The following VTI1A variants were observed in gnomAD, a reference collection of about 807,000 sequenced individuals.
VTI1A encodes vesicle transport through interaction with t-SNAREs homolog 1A.
Under a neutral mutation model 34.9 loss-of-function variants are expected in VTI1A, and 22 were observed. The ratio of observed to expected loss-of-function variants is 0.63; its 90% CI spans 0.45 to 0.90. The LOEUF is 0.90. Among genes scored for constraint, VTI1A ranks in the 40% least tolerant of loss-of-function variants. The probability of loss-of-function intolerance (pLI) is 0.00; values close to 1 mark genes in which losing one functional copy is unlikely to be tolerated. For missense variants in VTI1A, 268 were observed against 275.6 expected (o/e 0.97, Z 0.20); for synonymous variants, 87 against 97.3 (o/e 0.89, Z 0.62).
chr10:112,681,946 C>T (rs952072309), intron 7 of VTI1A, among the ~76,000 whole-genome samples: 4 of 152,076 alleles, frequency 2.6e-5, no homozygotes, highest in African/African-American at 7.2e-5. Context: ...TCTTTATCAT[C>T]GAATGGGCTT....
chr10:112,734,966 C>A (rs1489630709), intron 7 of VTI1A, among the ~76,000 whole-genome samples: 4 of 152,088 alleles, frequency 2.6e-5, no homozygotes, highest in Non-Finnish European at 4.4e-5. Context: ...TTTGAATTTT[C>A]TTCTCCAAAG....
In VTI1A at chr10:112,708,988, T is replaced by G. The variant is rs143702568; in HGVS notation, c.560+39990T>G. Among the ~76,000 whole-genome samples the G allele has an allele frequency of 5.1e-4, 77 of 152,360 alleles. 1 individual carries two copies. In the East Asian group the frequency reaches 0.014, roughly 29 times the overall value. On this transcript the variant is annotated intron_variant, in intron 7 of 7. Transcript: ENST00000393077. ...TGCCACCCCGCGGTTGCTGGTAGTT[T>G]CTGAATCTATGGACTTGCTGGCCCT...
At chr10:112,851,246 A>G in the VTI1A span, among the ~76,000 whole-genome samples, 1 of 152,216 alleles carries the variant, frequency 6.6e-6, no homozygotes, top group Non-Finnish European at 1.5e-5. Flanking sequence ...CCTGGGCCAC[A>G]TGCATTCCTT....
intron 3 of VTI1A, among the ~76,000 whole-genome samples, chr10:112,487,459 C>A (rs1010105490): frequency 6.6e-6 from 1 of 152,184 alleles, no homozygotes; most frequent in Non-Finnish European, 1.5e-5. Context: ...CAAGGTTTAT[C>A]ATTGGCAATT....
chr10:112,486,849 T>C (rs1205463523), intron 3 of VTI1A, among the ~76,000 whole-genome samples: 2 of 152,026 alleles, frequency 1.3e-5, no homozygotes, highest in African/African-American at 4.8e-5. Context: ...GGCCAATCCC[T>C]AGGCCACAGT....
chr10:112,447,266 C>T lies in VTI1A; in HGVS notation c.-108C>T. 3.3e-6 allele frequency: 4 copies of T among 1,225,014 alleles called. No individual in the cohort carries two copies. Among genetic ancestry groups the T allele is most frequent in the Non-Finnish European group, 4.6e-6 (4 of 871,644 alleles). 75.9% of individuals were successfully genotyped at this position (1,225,014 alleles called of 1,614,324 possible). A position where few individuals can be genotyped will look rare whatever the true frequency, so the allele number is the denominator to read the frequency against. ...GAGCTGTCCCCGGTTCTCCGTTCTG[C>T]TCTCGGGGGCACCTTCCGGGGTTCC... is the stretch of plus-strand genomic sequence containing the variant. On this transcript the variant is annotated 5_prime_UTR_variant, in exon 1 of 8. Coordinates refer to ENST00000393077, the MANE Select transcript of VTI1A (RefSeq NM_145206.4).
chr10:112,542,566 G>A (rs947215517), intron 5 of VTI1A, among the ~76,000 whole-genome samples: 2 of 152,184 alleles, frequency 1.3e-5, no homozygotes, highest in Admixed American at 1.3e-4. Flanking sequence ...ACGAAGAAGA[G>A]GTGCTCGAGC....
intron 4 of VTI1A, among the ~76,000 whole-genome samples, chr10:112,534,430 T>C (rs1337058048): frequency 6.6e-6 from 1 of 152,138 alleles, no homozygotes; most frequent in East Asian, 1.9e-4. Flanking sequence ...TAATTGCTTA[T>C]AGTATAGAGT....
intron 7 of VTI1A, among the ~76,000 whole-genome samples, chr10:112,700,525 T>C (rs933931318): frequency 6.6e-6 from 1 of 152,234 alleles, no homozygotes; most frequent in Non-Finnish European, 1.5e-5. Flanking sequence ...AGGCCTCAAA[T>C]GCATAATAAA....
At chr10:112,730,783 C>T (rs1850224743) in intron 7 of VTI1A, among the ~76,000 whole-genome samples, 1 of 151,984 alleles carries the variant, frequency 6.6e-6, no homozygotes, top group Non-Finnish European at 1.5e-5. Context: ...GCAGCACAGC[C>T]TCAGCTTGGA....
intron 7 of VTI1A, among the ~76,000 whole-genome samples, chr10:112,772,293 C>T (rs1472811904): frequency 2.0e-5 from 3 of 152,220 alleles, no homozygotes; most frequent in Admixed American, 6.5e-5. Flanking sequence ...TTGCATTTCA[C>T]GAGTCCTAAT....
chr10:112,498,115 GCTTTCT>G (rs1283922249), intron 3 of VTI1A, among the ~76,000 whole-genome samples: 1 of 152,082 alleles, frequency 6.6e-6, no homozygotes, highest in African/African-American at 2.4e-5. Context: ...ACATATAAAT[GCTTTCT>G]CTCCAAGCAT....
chr10:112,660,859 C>T (rs958436440), intron 5 of VTI1A, among the ~76,000 whole-genome samples: 4 of 152,032 alleles, frequency 2.6e-5, no homozygotes, highest in African/African-American at 9.7e-5. Context: ...CTTCTGTTTA[C>T]CTCCTCTTCA....
chr10:112,674,835 AG>A (rs2133848104), intron 7 of VTI1A, among the ~76,000 whole-genome samples: 1 of 152,320 alleles, frequency 6.6e-6, no homozygotes, highest in African/African-American at 2.4e-5. Context: ...ACACTACACA[AG>A]GTTCCCAAAG....
At chr10:112,458,475 G>A (rs1847616736) in intron 1 of VTI1A, among the ~76,000 whole-genome samples, 1 of 151,998 alleles carries the variant, frequency 6.6e-6, no homozygotes, top group Admixed American at 6.6e-5. Context: ...AAGTTGAATT[G>A]TAATCCCAAA....
At chr10:112,703,750 T>C (rs1849096940) in intron 7 of VTI1A, among the ~76,000 whole-genome samples, 1 of 152,228 alleles carries the variant, frequency 6.6e-6, no homozygotes, top group African/African-American at 2.4e-5. Flanking sequence ...TTTGAACATT[T>C]GCTACTTCAC....
intron 7 of VTI1A, among the ~76,000 whole-genome samples, chr10:112,736,111 G>GTGTATGTATATA (rs778802494): frequency 2.6e-5 from 3 of 116,224 alleles, no homozygotes; most frequent in Admixed American, 8.7e-5. Flanking sequence ...ATGTGTGTGT[G>GTGTATGTATATA]TATATATATA....
intron 4 of VTI1A, among the ~76,000 whole-genome samples, chr10:112,531,481 AG>A (rs1162070734): frequency 0.027 from 1,476 of 55,392 alleles, 26 homozygotes; most frequent in African/African-American, 0.077. Context: ...GCCTAAGCAA[AG>A]AAAAAAAAAA....
intron 3 of VTI1A, among the ~76,000 whole-genome samples, chr10:112,482,701 C>T (rs1318478721): frequency 1.3e-5 from 2 of 152,094 alleles, no homozygotes; most frequent in African/African-American, 4.8e-5. Context: ...AAAATATTAG[C>T]AAGCAATATT....
Sources: gnomAD v4.1 joint callset for allele counts (sites outside exome capture counted in the v4.1 genomes callset) on GRCh38, gnomAD v4.1.1 for gene constraint, MANE v1.5 for transcripts, NCBI Gene and HGNC (gene_info 2026-07-23, HGNC 2026-07-21) for gene names.